Variants in HS3ST5 observed in about 807,000 individuals in gnomAD.
HS3ST5 encodes heparan sulfate glucosamine 3-O-sulfotransferase 5.
A neutral mutation model predicts 25.4 loss-of-function variants in HS3ST5; 10 were observed. The observed-to-expected ratio is 0.39, with a 90% CI of 0.24 to 0.67. HS3ST5 has a LOEUF of 0.67. Among genes scored for constraint, HS3ST5 ranks in the 30% least tolerant of loss-of-function variants. The pLI is 0.44. For missense variants in HS3ST5, 324 were observed against 420.7 expected (o/e 0.77, Z 2.01); for synonymous variants, 170 against 162.4 (o/e 1.05, Z -0.36).
At chr6:114,304,342 CA>C (rs1476689146) in intron 1 of HS3ST5, among the ~76,000 whole-genome samples, 1 of 152,072 alleles carries the variant, frequency 6.6e-6, no homozygotes, top group African/African-American at 2.4e-5. Flanking sequence ...AAAATCCTTC[CA>C]TTTTGTTTAA....
At position 114,200,852 on chromosome 6, in the gene HS3ST5, A is replaced by G. The variant is rs1780979669; in HGVS notation, c.-145+27733T>C. 2.0e-5 allele frequency among the ~76,000 whole-genome samples: 3 copies of G among 152,218 alleles called. 1 individual carries two copies. In the South Asian group the frequency reaches 6.2e-4, roughly 31 times the overall value. On this transcript the variant is annotated intron_variant, in intron 2 of 4. Transcript: ENST00000312719. ...CATTTCTCATTTGCACTTCCTCATC[A>G]GCACCTCAGAGAACGCACAAAAAAT... is the stretch of plus-strand genomic sequence containing the variant.
rs76023462 is a variant in HS3ST5, at chr6:114,219,500, G to C, written c.-145+9085C>G. On this transcript the variant is annotated intron_variant, in intron 2 of 4. Coordinates refer to ENST00000312719, the MANE Select transcript of HS3ST5 (RefSeq NM_153612.4). The stretch of plus-strand genomic sequence containing the variant: ...CATGGGGGAAGGGGTAGAGGGAAAG[G>C]AGAGGGATAAACATTTCCAAGGACA... Among the ~76,000 whole-genome samples, 722 of 152,274 alleles carry C rather than the reference G, an allele frequency of 4.7e-3. 4 individuals carry two copies. Among genetic ancestry groups the C allele is most frequent in the African/African-American group, 0.017 (699 of 41,560 alleles).
chr6:114,321,474 T>C (rs948850367), intron 1 of HS3ST5, among the ~76,000 whole-genome samples: 4 of 152,112 alleles, frequency 2.6e-5, no homozygotes, highest in African/African-American at 9.7e-5. Context: ...CTTTCTGGCT[T>C]GAGTTATTGC....
intron 1 of HS3ST5, among the ~76,000 whole-genome samples, chr6:114,259,747 C>T (rs2114662342): frequency 6.6e-6 from 1 of 152,214 alleles, no homozygotes; most frequent in Middle Eastern, 3.4e-3. Flanking sequence ...TACATATATA[C>T]AGATACAGAA....
chr6:114,112,811 C>A (rs1582614445), intron 3 of HS3ST5, among the ~76,000 whole-genome samples: 1 of 152,104 alleles, frequency 6.6e-6, no homozygotes, highest in Non-Finnish European at 1.5e-5. Context: ...TCTTACTTTA[C>A]CGAAAAAACA....
chr6:114,306,276 C>CAT (rs1380560449), intron 1 of HS3ST5, among the ~76,000 whole-genome samples: 83 of 146,188 alleles, frequency 5.7e-4, no homozygotes, highest in Middle Eastern at 3.6e-3. Flanking sequence ...CACACACACA[C>CAT]ACATATATAT....
At chr6:114,234,807 A>T (rs1307062474) in intron 1 of HS3ST5, among the ~76,000 whole-genome samples, 1 of 152,136 alleles carries the variant, frequency 6.6e-6, no homozygotes, top group African/African-American at 2.4e-5. Flanking sequence ...ATGAAAATTG[A>T]TATATGTTCT....
chr6:114,239,102 G>A (rs1277374430), intron 1 of HS3ST5: 1 of 152,168 alleles, frequency 6.6e-6, no homozygotes, highest in Non-Finnish European at 1.5e-5. Context: ...AAAACTCACA[G>A]GCAAGCTTTC....
At chr6:114,284,863 A>G (rs1774270619) in intron 1 of HS3ST5, among the ~76,000 whole-genome samples, 3 of 151,988 alleles carry the variant, frequency 2.0e-5, no homozygotes, top group African/African-American at 4.8e-5. Context: ...AAACTTAATA[A>G]AATTAAATCA....
intron 2 of HS3ST5, among the ~76,000 whole-genome samples, chr6:114,185,343 CTT>C (rs2115032178): frequency 6.6e-6 from 1 of 152,266 alleles, no homozygotes; most frequent in African/African-American, 2.4e-5. Context: ...CCCCAGAGAG[CTT>C]TCTCTCCCTC....
In HS3ST5 at chr6:114,132,956, C is replaced by T. The variant is rs192331213; in HGVS notation, c.-33+35395G>A. 2.6e-3 allele frequency among the ~76,000 whole-genome samples: 394 copies of T among 152,252 alleles called. 3 individuals are homozygous for T. The highest frequency in any genetic ancestry group is 9.2e-3 in the African/African-American group (384 of 41,546). ...GTTCTGTCCTCCTTGTTCTCTTATCCGCATTCTATTTTTGTCAACTTGATC... is the reference window on the plus strand; with the variant it reads ...GTTCTGTCCTCCTTGTTCTCTTATCTGCATTCTATTTTTGTCAACTTGATC... On this transcript the variant is annotated intron_variant, in intron 3 of 4. Coordinates refer to ENST00000312719, the MANE Select transcript of HS3ST5 (RefSeq NM_153612.4).
At chr6:114,303,171 A>G (rs963291251) in intron 1 of HS3ST5, among the ~76,000 whole-genome samples, 5 of 152,158 alleles carry the variant, frequency 3.3e-5, no homozygotes, top group African/African-American at 1.2e-4. Flanking sequence ...TTTTATATAT[A>G]TAATATTTTA....
chr6:114,282,379 G>A (rs1774152411), intron 1 of HS3ST5, among the ~76,000 whole-genome samples: 1 of 151,846 alleles, frequency 6.6e-6, no homozygotes, highest in African/African-American at 2.4e-5. Flanking sequence ...AAAGAAGCTG[G>A]TATCCAGAGA....
At chr6:114,144,863 G>A (rs1459785898) in intron 3 of HS3ST5, among the ~76,000 whole-genome samples, 6 of 152,208 alleles carry the variant, frequency 3.9e-5, no homozygotes. Flanking sequence ...GGCAGTGCCT[G>A]ATATATAACA....
intron 3 of HS3ST5, among the ~76,000 whole-genome samples, chr6:114,140,441 G>A (rs1562212725): frequency 6.6e-6 from 1 of 152,106 alleles, no homozygotes; most frequent in East Asian, 1.9e-4. Flanking sequence ...CCAAAATCAC[G>A]AAGATGTTGT....
chr6:114,187,556 T>C (rs1364745428), intron 2 of HS3ST5, among the ~76,000 whole-genome samples: 1 of 152,226 alleles, frequency 6.6e-6, no homozygotes, highest in Admixed American at 6.5e-5. Flanking sequence ...TTGCTTCTTA[T>C]GAATGAGCAA....
chr6:114,341,860 G>A (rs1003645418), intron 1 of HS3ST5, among the ~76,000 whole-genome samples: 8 of 152,070 alleles, frequency 5.3e-5, no homozygotes, highest in Non-Finnish European at 7.4e-5. Flanking sequence ...GTAAACGCGT[G>A]TTCCCTTTCT....
At chr6:114,190,564 C>T (rs1249884250) in intron 2 of HS3ST5, among the ~76,000 whole-genome samples, 1 of 152,164 alleles carries the variant, frequency 6.6e-6, no homozygotes, top group Non-Finnish European at 1.5e-5. Context: ...CTTATGATGA[C>T]ATCCTCAGAA....
chr6:114,320,990 C>T (rs537162728), intron 1 of HS3ST5, among the ~76,000 whole-genome samples: 3 of 151,068 alleles, frequency 2.0e-5, no homozygotes, highest in Admixed American at 6.6e-5. Flanking sequence ...TCTCGAACTC[C>T]TGGCCTCAGG....
Sources: gnomAD v4.1 joint callset for allele counts (sites outside exome capture counted in the v4.1 genomes callset) on GRCh38, gnomAD v4.1.1 for gene constraint, MANE v1.5 for transcripts, NCBI Gene and HGNC (gene_info 2026-07-23, HGNC 2026-07-21) for gene names.